Variants in PRH1 observed in about 807,000 individuals in gnomAD.
PRH1 encodes salivary acidic proline-rich phosphoprotein 1/2.
In PRH1, 7 loss-of-function variants were observed where a neutral mutation model predicts 7.9. The observed-to-expected ratio is 0.89, with a 90% confidence interval of 0.50 to 1.67. The LOEUF is 1.67. Among genes scored for constraint, PRH1 ranks in the 40% most tolerant of loss-of-function variants. PRH1 has a pLI of 0.00. For missense variants in PRH1, 109 were observed against 223.6 expected (o/e 0.49, Z 3.27); for synonymous variants, 45 against 80.8 (o/e 0.56, Z 2.38).
rs1940673562 is a variant in PRH1 at position 11,003,161 on chromosome 12, T to G, written c.-125-29440A>C. ...AATTAATTTTTAAAAGTATAAAATT[T>G]TATCCCTATTTCTTACTACTATAAT... On this transcript the variant is annotated intron_variant, in intron 1 of 3. Coordinates refer to the PRH1 transcript ENST00000539853. Among the ~76,000 whole-genome samples the G allele has an allele frequency of 2.0e-5, 3 of 152,040 alleles. No individual in the cohort carries two copies. The South Asian group carries it at 6.2e-4, about 31-fold the overall frequency.
chr12:11,126,962 A>G (rs1368488901), intron 1 of PRH1, among the ~76,000 whole-genome samples: 1 of 93,084 alleles, frequency 1.1e-5, no homozygotes, highest in Non-Finnish European at 2.6e-5. Flanking sequence ...CCATGTCCGC[A>G]TTTTTTAAGG....
Position 10,884,231 on chromosome 12 carries a change from C to T in PRH1, c.-14G>A. On this transcript the variant is annotated 5_prime_UTR_variant, in exon 1 of 4. Coordinates refer to ENST00000543626, the MANE Select transcript of PRH1 (RefSeq NM_001393989.1). ...AATCAGAAGCATCTTGCAGGAGGCT[C>T]TGGTGTCACTCCCAACTTTGTGCTG... The T allele has an allele frequency of 6.2e-7, 1 of 1,614,188 alleles. No homozygotes were observed. The highest frequency in any genetic ancestry group is 8.5e-7 in the Non-Finnish European group (1 of 1,180,016).
chr12:10,952,722 C>T (rs1937745036), intron 2 of PRH1, among the ~76,000 whole-genome samples: 1 of 152,002 alleles, frequency 6.6e-6, no homozygotes, highest in Non-Finnish European at 1.5e-5. Flanking sequence ...ATTAAATATC[C>T]ACATGCATAA....
At chr12:11,036,114 C>G (rs1942424707) in intron 1 of PRH1, among the ~76,000 whole-genome samples, 1 of 152,168 alleles carries the variant, frequency 6.6e-6, no homozygotes, top group South Asian at 2.1e-4. Flanking sequence ...AGGATGGTCT[C>G]CATCTCCTGA....
chr12:11,050,367 G>A (rs1943093744), upstream of PRH1, among the ~76,000 whole-genome samples: 1 of 152,208 alleles, frequency 6.6e-6, no homozygotes, highest in Admixed American at 6.5e-5. Flanking sequence ...TGTCCTTAAG[G>A]TGCAGATCGC....
At chr12:11,004,654 CATTT>C (rs1271279897) in intron 1 of PRH1, among the ~76,000 whole-genome samples, 24 of 152,114 alleles carry the variant, frequency 1.6e-4, no homozygotes, top group African/African-American at 5.5e-4. Context: ...ATATTTCATA[CATTT>C]ATTTGTTCAT....
intron 2 of PRH1, chr12:10,938,795 G>A (rs758340538): frequency 1.1e-5 from 18 of 1,613,140 alleles, no homozygotes; most frequent in South Asian, 8.8e-5. Context: ...CAAGAAGACC[G>A]AAGTCACAAG....
chr12:11,127,315 T>C (rs919315543), intron 1 of PRH1, among the ~76,000 whole-genome samples: 4 of 152,292 alleles, frequency 2.6e-5, no homozygotes, highest in African/African-American at 9.6e-5. Context: ...TTTCCTTGTT[T>C]AATGTCTCCA....
intron 1 of PRH1, chr12:11,159,165 T>C (rs907365474): frequency 3.9e-5 from 6 of 151,964 alleles, no homozygotes; most frequent in Non-Finnish European, 7.4e-5. Context: ...TATGTCAAGC[T>C]GAGAAGCCTA....
intron 1 of PRH1, chr12:11,171,220 G>C: frequency 2.1e-6 from 1 of 480,946 alleles, no homozygotes; most frequent in Non-Finnish European, 3.3e-6. Flanking sequence ...GCACCGAGCG[G>C]CGGCAGCGGC....
chr12:10,942,786 G>A (rs762185540), intron 2 of PRH1, among the ~76,000 whole-genome samples: 2 of 152,138 alleles, frequency 1.3e-5, no homozygotes, highest in Non-Finnish European at 2.9e-5. Context: ...TTCTCTCTGT[G>A]GCATTTCCCT....
In PRH1 at chr12:10,882,198, T is replaced by A. The variant is rs751908047; in HGVS notation, c.*18+19A>T. On this transcript the variant is annotated intron_variant, in intron 3 of 3. Coordinates refer to ENST00000543626, the MANE Select transcript of PRH1 (RefSeq NM_001393989.1). ...TGTAGCAGTTGGAGCCTTTGATGGA[T>A]AATAAACTGGAATCGTACCTGTCAT... 6.2e-7 allele frequency: 1 copy of A among 1,612,712 alleles called. No individual in the cohort carries two copies. Among genetic ancestry groups the A allele is most frequent in the South Asian group, 1.1e-5 (1 of 90,940 alleles).
At chr12:11,098,763 A>G (rs970375579) in intron 1 of PRH1, among the ~76,000 whole-genome samples, 9 of 152,230 alleles carry the variant, frequency 5.9e-5, no homozygotes, top group African/African-American at 1.9e-4. Flanking sequence ...ATACTCCATA[A>G]GATTTGGTTG....
chr12:11,148,440 T>C (rs1429898568), intron 1 of PRH1, among the ~76,000 whole-genome samples: 426 of 142,854 alleles, frequency 3.0e-3, no homozygotes, highest in African/African-American at 0.01. Context: ...TAGATAGCTC[T>C]TATTATTTTG....
At chr12:10,912,661 G>T (rs1265273314) in intron 2 of PRH1, among the ~76,000 whole-genome samples, 1 of 151,612 alleles carries the variant, frequency 6.6e-6, no homozygotes, top group East Asian at 1.9e-4. Context: ...GAATTTTTCA[G>T]CATTTCTCAC....
At chr12:11,057,280 G>A (rs1478042702) in intron 1 of PRH1, among the ~76,000 whole-genome samples, 2 of 152,202 alleles carry the variant, frequency 1.3e-5, no homozygotes, top group African/African-American at 2.4e-5. Flanking sequence ...CTACAGGCAT[G>A]AGCCATCACA....
At chr12:10,918,905 T>C (rs1325631754) in intron 2 of PRH1, among the ~76,000 whole-genome samples, 1 of 152,140 alleles carries the variant, frequency 6.6e-6, no homozygotes, top group Non-Finnish European at 1.5e-5. Flanking sequence ...GCAAATAGAC[T>C]TTAAAGTTTT....
At chr12:11,064,568 G>C (rs1943735084) in intron 1 of PRH1, among the ~76,000 whole-genome samples, 1 of 152,060 alleles carries the variant, frequency 6.6e-6, no homozygotes, top group South Asian at 2.1e-4. Context: ...ACATAGAAAA[G>C]TTTAAAAGAT....
chr12:10,978,225 A>G (rs925786904), intron 1 of PRH1, among the ~76,000 whole-genome samples: 7 of 152,152 alleles, frequency 4.6e-5, no homozygotes, highest in African/African-American at 1.4e-4. Context: ...AGGCACATAG[A>G]CCAAGGAAAT....
Sources: gnomAD v4.1 joint callset for allele counts (sites outside exome capture counted in the v4.1 genomes callset) on GRCh38, gnomAD v4.1.1 for gene constraint, MANE v1.5 for transcripts, NCBI Gene and HGNC (gene_info 2026-07-23, HGNC 2026-07-21) for gene names.